GSDME: variants seen among roughly 807,000 people sequenced by gnomAD.
The protein encoded by GSDME is gasdermin-E.
GSDME carries 44 observed loss-of-function variants against 47.5 expected under a neutral mutation model. That is an observed-to-expected ratio of 0.93 (90% confidence interval 0.73 to 1.19). GSDME has a LOEUF of 1.19. Among genes scored for constraint, GSDME ranks in the 50% most tolerant of loss-of-function variants. The pLI, the probability that GSDME is intolerant of heterozygous loss-of-function variation, is 0.00. For synonymous variants in GSDME, 258 were observed against 252.8 expected (o/e 1.02, Z -0.20); for missense variants, 663 against 604.2 (o/e 1.10, Z -1.02).
intron 1 of GSDME, among the ~76,000 whole-genome samples, chr7:24,750,875 G>GTA (rs1438409490): frequency 1.3e-5 from 2 of 152,182 alleles, no homozygotes; most frequent in Admixed American, 6.5e-5. Context: ...AAGAGAAGCA[G>GTA]TATAGACTAT....
chr7:24,772,939 C>A, the GSDME span, among the ~76,000 whole-genome samples: 2 of 152,096 alleles, frequency 1.3e-5, no homozygotes, highest in Non-Finnish European at 2.9e-5. This position sits in a 1 kb window ranked among gnomAD's most constrained non-coding sequence, Gnocchi z 4.5. Flanking sequence ...GCAATTACAG[C>A]CAATGAGACA....
rs1562698909 is a variant in GSDME, at chr7:24,721,059, CAGAA to C, written c.405-1845_405-1842del. ...TCTGGAACAGGCAAATTCATAATGA[CAGAA>C]AGCAGATTGGAGGTTACCGGGGCTG... On this transcript the variant is annotated intron_variant, in intron 3 of 9. Transcript: ENST00000645220. This position sits in a 1 kb window ranked among gnomAD's most constrained non-coding sequence, Gnocchi z 4.1. 6.6e-6 allele frequency among the ~76,000 whole-genome samples: 1 copy of C among 152,180 alleles called. No individual in the cohort carries two copies. Among genetic ancestry groups the C allele is most frequent in the Non-Finnish European group, 1.5e-5 (1 of 68,040 alleles).
At position 24,705,935 on chromosome 7, in the gene GSDME, T is replaced by A; in HGVS notation, c.1183+249A>T. ...AAGGGGCACCCACTGTGGCCTTCCC[T>A]GGGGGAGGAGGGAGAAGGGCCCTCC... On this transcript the variant is annotated intron_variant, in intron 8 of 9. Coordinates refer to ENST00000645220, the MANE Select transcript of GSDME (RefSeq NM_001127453.2). The surrounding 1 kb of genome is among the most constrained non-coding windows in gnomAD (Gnocchi z 4.1). 1.8e-6 allele frequency: 1 copy of A among 564,878 alleles called. No homozygotes were observed. The highest frequency in any genetic ancestry group is 3.2e-6 in the Non-Finnish European group (1 of 314,110). 35.0% of individuals were successfully genotyped at this position (564,878 alleles called of 1,614,324 possible).
the GSDME span, among the ~76,000 whole-genome samples, chr7:24,771,956 C>A: frequency 6.6e-6 from 1 of 152,238 alleles, no homozygotes; most frequent in Admixed American, 6.5e-5. This position sits in a 1 kb window ranked among gnomAD's most constrained non-coding sequence, Gnocchi z 4.1. Context: ...ATTTGAAAAA[C>A]TTCACCTGAT....
Position 24,742,120 on chromosome 7 carries a change from G to A in GSDME, c.404+2442C>T, listed in dbSNP as rs920609395. 4.6e-5 allele frequency among the ~76,000 whole-genome samples: 7 copies of A among 152,158 alleles called. No individual in the cohort carries two copies. Among genetic ancestry groups the A allele is most frequent in the South Asian group, 2.1e-4 (1 of 4,826 alleles). ...AGGCACCTCCAGGAGAGCAGGCCTC[G>A]CTATGCACATGTGCCTGCTCAGGAT... On this transcript the variant is annotated intron_variant, in intron 3 of 9. Transcript: ENST00000645220. The surrounding 1 kb of genome is among the most constrained non-coding windows in gnomAD (Gnocchi z 4.4).
At chr7:24,713,516 C>CA (rs1347967448) in intron 5 of GSDME, among the ~76,000 whole-genome samples, 1 of 152,170 alleles carries the variant, frequency 6.6e-6, no homozygotes, top group Non-Finnish European at 1.5e-5. Flanking sequence ...TGGGCAGGAG[C>CA]AAAAGAGGCA....
chr7:24,710,374 G>A lies in GSDME; in HGVS notation c.712C>T (p.Arg238Ter), dbSNP rs200758965. 2.6e-4 allele frequency: 416 copies of A among 1,614,064 alleles called. No individual in the cohort carries two copies. Among genetic ancestry groups the A allele is most frequent in the Middle Eastern group, 4.9e-4 (3 of 6,084 alleles). The stretch of plus-strand genomic sequence containing the variant: ...TTCTCGAAGCCACCTTGCTTCCCTC[G>A]GAGAAGGCAGAACTCTGTAGTGCAG... The part of the protein sequence containing the change: ...LDGQFEFCLL[R>*]GKQGGFENKK... Residue 238 changes from arginine to a stop codon, truncating the protein, a stop_gained, in exon 6 of 10, where the codon CGA (arginine) becomes TGA (stop). Transcript: ENST00000645220. LOFTEE classifies it high-confidence loss of function.
At chr7:24,760,494 AT>A (rs1339397117), upstream of GSDME, among the ~76,000 whole-genome samples, 1 of 152,226 alleles carries the variant, frequency 6.6e-6, no homozygotes, top group Non-Finnish European at 1.5e-5. This position sits in a 1 kb window ranked among gnomAD's most constrained non-coding sequence, Gnocchi z 4.2. Context: ...CCATTTAAAA[AT>A]TACTTATAAC....
At chr7:24,737,653 G>T (rs1215326598) in intron 3 of GSDME, among the ~76,000 whole-genome samples, 1 of 151,012 alleles carries the variant, frequency 6.6e-6, no homozygotes, top group Non-Finnish European at 1.5e-5. Flanking sequence ...ATTTTACAAG[G>T]CCAGTATTAC....
chr7:24,782,068 AATTT>A, the GSDME span, among the ~76,000 whole-genome samples: 2 of 152,142 alleles, frequency 1.3e-5, no homozygotes, highest in Non-Finnish European at 2.9e-5. Flanking sequence ...TTTAAAAATT[AATTT>A]ATTTTTTATT....
rs188236782 is a variant in GSDME at position 24,729,501 on chromosome 7, G to A, written c.405-10283C>T. ...AACTTCCGACACACTTGACCCTACG[G>A]CGTGGTTAGTATGCCACCAGGGGTG... On this transcript the variant is annotated intron_variant, in intron 3 of 9. Coordinates refer to ENST00000645220, the MANE Select transcript of GSDME (RefSeq NM_001127453.2). Among the ~76,000 whole-genome samples, 380 of 152,318 alleles carry A rather than the reference G, an allele frequency of 2.5e-3. 1 individual carries two copies. The highest frequency in any genetic ancestry group is 0.01 in the Middle Eastern group (3 of 294).
rs750112276 is a variant in GSDME at position 24,717,243 on chromosome 7, G to T, written c.697+11C>A. Reference sequence around the variant, plus strand: ...GGGGATCCCTCAGCACCCATAGGAGGTGGCACTCACCGAACTGGCCGTCCA... The same window carrying T: ...GGGGATCCCTCAGCACCCATAGGAGTTGGCACTCACCGAACTGGCCGTCCA... On this transcript the variant is annotated intron_variant, in intron 5 of 9. Transcript: ENST00000645220. 29 of 1,460,646 alleles carry T rather than the reference G, an allele frequency of 2.0e-5. No individual in the cohort carries two copies. Among genetic ancestry groups the T allele is most frequent in the Non-Finnish European group, 2.7e-5 (29 of 1,080,580 alleles). 90.5% of individuals were successfully genotyped at this position (1,460,646 alleles called of 1,614,324 possible).
In GSDME at chr7:24,705,964, AG is replaced by A; in HGVS notation, c.1183+219del. On this transcript the variant is annotated intron_variant, in intron 8 of 9. Transcript: ENST00000645220. The surrounding 1 kb of genome is among the most constrained non-coding windows in gnomAD (Gnocchi z 4.1). ...GGAGGAGGGAGAAGGGCCCTCCGGG[AG>A]AGTAGGGAGGCTTGTGCTGGATGGA... The A allele has an allele frequency of 4.8e-6, 3 of 621,890 alleles. No individual in the cohort carries two copies. The Admixed American group carries it at 7.4e-5, about 15-fold the overall frequency. 38.5% of individuals were successfully genotyped at this position (621,890 alleles called of 1,614,324 possible).
chr7:24,761,276 G>A (rs536441992), upstream of GSDME, among the ~76,000 whole-genome samples: 8 of 152,320 alleles, frequency 5.3e-5, no homozygotes, highest in South Asian at 6.2e-4. The surrounding 1 kb of genome is among the most constrained non-coding windows in gnomAD (Gnocchi z 4.4). Context: ...TCGGTTTGCT[G>A]TAATAAAATA....
At chr7:24,715,889 T>G (rs1789534223) in intron 5 of GSDME, among the ~76,000 whole-genome samples, 1 of 152,182 alleles carries the variant, frequency 6.6e-6, no homozygotes, top group Non-Finnish European at 1.5e-5. Flanking sequence ...GCAGGCTTCT[T>G]CATTTGCAGA....
upstream of GSDME, among the ~76,000 whole-genome samples, chr7:24,762,899 G>A (rs1056123386): frequency 1.3e-5 from 2 of 152,188 alleles, no homozygotes; most frequent in Non-Finnish European, 2.9e-5. Flanking sequence ...AATCAGGCTG[G>A]GGGAGGCTCA....
At position 24,698,954 on chromosome 7, in the gene GSDME, G is replaced by A. The variant is rs115865539; in HGVS notation, c.*72C>T. The A allele has an allele frequency of 5.0e-4, 506 of 1,008,412 alleles. 1 individual carries two copies. The African/African-American group carries it at 5.1e-3, about 10-fold the overall frequency. The allele number at this position is 1,008,412 out of a possible 1,614,324, so 62.5% of individuals were successfully genotyped here. ...TTCATTTCATTGGTCAACTTTTAAC[G>A]TGCATATGACCTTTAACAGTTCTGA... On this transcript the variant is annotated 3_prime_UTR_variant, in exon 10 of 10. Coordinates refer to ENST00000645220, the MANE Select transcript of GSDME (RefSeq NM_001127453.2).
chr7:24,710,281 G>T lies in GSDME; in HGVS notation c.805C>A (p.Pro269Thr). The change falls in exon 6 of 10, where the codon CCA (proline) becomes ACA (threonine). Residue 269 changes from proline to threonine, a missense_variant. Physicochemically the swap from Pro to Thr is conservative, Grantham distance 38. Coordinates refer to ENST00000645220, the MANE Select transcript of GSDME (RefSeq NM_001127453.2). ...VFREFAFIDM[P>T]DAAHGISSQD... ...GAAGATATCCCATGCGCAGCATCTG[G>T]CATGTCTATGAATGCAAACTCTCGA... 6.2e-7 allele frequency: 1 copy of T among 1,614,208 alleles called. No homozygotes were observed. The highest frequency in any genetic ancestry group is 8.5e-7 in the Non-Finnish European group (1 of 1,180,046).
intron 3 of GSDME, among the ~76,000 whole-genome samples, chr7:24,730,142 ATGAGT>A (rs1312109042): frequency 6.6e-6 from 1 of 152,206 alleles, no homozygotes; most frequent in African/African-American, 2.4e-5. Context: ...AAGTGCAGTG[ATGAGT>A]TGAGTCTCTG....
Sources: allele counts gnomAD v4.1 joint callset (sites outside exome capture counted in the v4.1 genomes callset), GRCh38; gene constraint gnomAD v4.1.1; non-coding constraint Gnocchi (gnomAD v3.1); transcripts MANE v1.5; gene names NCBI Gene and HGNC (gene_info 2026-07-23, HGNC 2026-07-21).